CHL1: variants seen among roughly 807,000 people sequenced by gnomAD.
CHL1 encodes the protein cell adhesion molecule L1 like.
In CHL1, 96 loss-of-function variants were observed where a neutral mutation model predicts 141.9. That is an observed-to-expected ratio of 0.68 (90% CI 0.57 to 0.80). The LOEUF (loss-of-function observed/expected upper bound fraction) is 0.80, where lower values mean the gene tolerates loss of function less well. CHL1 is among the 30% of genes least tolerant of loss of function. The pLI is 0.00. For synonymous variants in CHL1, 613 were observed against 502.2 expected (o/e 1.22, Z -2.95); for missense variants, 1,820 against 1,457.2 (o/e 1.25, Z -4.05).
At chr3:394,966 C>A in intron 24 of CHL1, 94 bp downstream of exon 24, 2 of 1,037,334 alleles carry the variant, frequency 1.9e-6, no homozygotes, top group Non-Finnish European at 2.7e-6. Context: ...CCGTGCCAGT[C>A]ATTGTAAATT....
intron 13 of CHL1, 105 bp from the exon 14 acceptor site, chr3:363,112 G>A (rs188002402): frequency 1.1e-6 from 1 of 887,524 alleles, no homozygotes; most frequent in Non-Finnish European, 1.7e-6. Context: ...GAGGTTTTCT[G>A]AGCTATTGAA....
Position 328,353 on chromosome 3 carries a change from A to G in CHL1, c.384A>G (p.Pro128=). Residue 128 remains proline (P), a splice_region_variant and synonymous_variant, in exon 5 of 28, where the codon CCA becomes CCG. Coordinates refer to ENST00000256509, the MANE Select transcript of CHL1 (RefSeq NM_006614.4). ...AMSEEIEFIV[P]SVPKFPKEKI... is the part of the protein sequence containing the mutation. ...CAGAAGAAATAGAATTTATAGTTCC[A>G]AGTAAGTACTATAACGGGAATTTCA... The G allele has an allele frequency of 6.2e-7, 1 of 1,606,800 alleles. No homozygotes were observed. Among genetic ancestry groups the G allele is most frequent in the Non-Finnish European group, 8.5e-7 (1 of 1,175,540 alleles).
intron 1 of CHL1, among the ~76,000 whole-genome samples, chr3:242,482 G>A (rs1360405534): frequency 2.6e-5 from 4 of 151,270 alleles, no homozygotes; most frequent in Non-Finnish European, 4.4e-5. Flanking sequence ...TGTAGTCCCA[G>A]CTACCTGGGA....
intron 1 of CHL1, among the ~76,000 whole-genome samples, chr3:215,796 T>A (rs1700270866): frequency 6.6e-6 from 1 of 152,206 alleles, no homozygotes; most frequent in African/African-American, 2.4e-5. Context: ...GAAGCATCTC[T>A]TTCAAGAGCT....
intron 3 of CHL1, among the ~76,000 whole-genome samples, chr3:324,305 C>T (rs1343936308): frequency 1.3e-5 from 2 of 152,042 alleles, no homozygotes; most frequent in African/African-American, 2.4e-5. Flanking sequence ...CTCCAAATTG[C>T]TTTTCTCATA....
chr3:259,706 T>A (rs953800445), intron 2 of CHL1, among the ~76,000 whole-genome samples: 2 of 152,110 alleles, frequency 1.3e-5, no homozygotes, highest in Non-Finnish European at 2.9e-5. Context: ...TGAAAGGAGG[T>A]ACTTTGTTTT....
At chr3:399,832 C>T (rs543383793) in intron 26 of CHL1, among the ~76,000 whole-genome samples, 23 of 152,220 alleles carry the variant, frequency 1.5e-4, no homozygotes, top group South Asian at 1.0e-3. Context: ...TCATATTTTT[C>T]GCACTAGTGC....
In CHL1 at chr3:408,481, C is replaced by G. The variant is rs1709668575; in HGVS notation, c.*2770C>G. ...TCAACTCTAAAGTGCTAATAATAAT[C>G]TCAGTTACCTTATCTTTGTCACAGG... is the stretch of plus-strand genomic sequence containing the variant. On this transcript the variant is annotated 3_prime_UTR_variant, in exon 28 of 28. Coordinates refer to ENST00000256509, the MANE Select transcript of CHL1 (RefSeq NM_006614.4). 1 of 152,088 alleles carries G rather than the reference C, an allele frequency of 6.6e-6. No homozygotes were observed. Among genetic ancestry groups the G allele is most frequent in the Admixed American group, 6.6e-5 (1 of 15,240 alleles). 9.4% of individuals were successfully genotyped at this position (152,088 alleles called of 1,614,324 possible).
intron 1 of CHL1, among the ~76,000 whole-genome samples, chr3:227,200 GT>G: frequency 6.6e-6 from 1 of 152,128 alleles, no homozygotes. Context: ...GCAGAGAGTA[GT>G]TTTTAAAATA....
At chr3:358,267 G>A (rs1017168553) in intron 11 of CHL1, among the ~76,000 whole-genome samples, 2 of 151,892 alleles carry the variant, frequency 1.3e-5, no homozygotes, top group African/African-American at 2.4e-5. Flanking sequence ...GCTCCCTTCC[G>A]CCATTTTGAA....
intron 17 of CHL1, 33 bp from the exon 18 acceptor site, chr3:382,441 A>T (rs1575236799): frequency 1.9e-6 from 3 of 1,571,166 alleles, no homozygotes; most frequent in Non-Finnish European, 2.6e-6. Context: ...TACTCCATAC[A>T]TTCTAATATT....
intron 2 of CHL1, among the ~76,000 whole-genome samples, chr3:271,551 A>G (rs1695637466): frequency 6.6e-6 from 1 of 152,212 alleles, no homozygotes; most frequent in South Asian, 2.1e-4. Context: ...TTCTCGCAAG[A>G]TATAATGAAG....
chr3:244,340 A>G (rs9813769), intron 1 of CHL1, among the ~76,000 whole-genome samples: 44,581 of 151,990 alleles, frequency 0.29, 6,623 homozygotes, highest in Middle Eastern at 0.4. Context: ...GAGAAGACAC[A>G]TCGATAATGT....
At chr3:218,052 C>A (rs931014565) in intron 1 of CHL1, among the ~76,000 whole-genome samples, 3 of 152,052 alleles carry the variant, frequency 2.0e-5, no homozygotes, top group Non-Finnish European at 4.4e-5. Context: ...TAAATTATAA[C>A]CCACAGCCCC....
At chr3:264,588 A>G (rs990839552) in intron 2 of CHL1, among the ~76,000 whole-genome samples, 4 of 152,220 alleles carry the variant, frequency 2.6e-5, no homozygotes, top group African/African-American at 9.6e-5. Flanking sequence ...CCAAAGATTG[A>G]AGAAGTAAAT....
chr3:383,765 C>G, intron 18 of CHL1, 51 bp from the exon 19 acceptor site: 1 of 1,349,492 alleles, frequency 7.4e-7, no homozygotes, highest in Non-Finnish European at 1.1e-6. Flanking sequence ...GATATGATGA[C>G]TTACCTATGG....
chr3:209,349 AAG>A (rs1315688503), intron 1 of CHL1, among the ~76,000 whole-genome samples: 1 of 152,210 alleles, frequency 6.6e-6, no homozygotes, highest in East Asian at 1.9e-4. Flanking sequence ...TTTCTTCCGC[AAG>A]AGAGAGGGAT....
intron 10 of CHL1, among the ~76,000 whole-genome samples, chr3:352,447 G>A (rs1323076248): frequency 6.6e-6 from 1 of 151,950 alleles, no homozygotes; most frequent in African/African-American, 2.4e-5. Context: ...TCTGTTTCCA[G>A]CAACATGAGA....
At position 363,327 on chromosome 3, in the gene CHL1, G is replaced by T. The variant is rs1704475374; in HGVS notation, c.1529G>T (p.Cys510Phe). The change falls in exon 14 of 28, where the codon TGT becomes TTT. Residue 510 changes from cysteine (C) to phenylalanine (F), a missense_variant. Transcript: ENST00000256509. ...TTEEDAGSYS[C>F]WVENAIGKTA... Reference sequence around the variant, plus strand: ...GAAGAAGATGCTGGGTCTTACTCATGTTGGGTAGAAAATGCTATAGGAAAA... The same window carrying T: ...GAAGAAGATGCTGGGTCTTACTCATTTTGGGTAGAAAATGCTATAGGAAAA... 6.2e-7 allele frequency: 1 copy of T among 1,613,364 alleles called. No individual in the cohort carries two copies. Among genetic ancestry groups the T allele is most frequent in the Non-Finnish European group, 8.5e-7 (1 of 1,179,698 alleles).
Sources: gnomAD v4.1 joint callset for allele counts (sites outside exome capture counted in the v4.1 genomes callset) on GRCh38, gnomAD v4.1.1 for gene constraint, MANE v1.5 for transcripts, NCBI Gene and HGNC (gene_info 2026-07-23, HGNC 2026-07-21) for gene names.